Variants in RPRD1A observed in about 807,000 individuals in gnomAD.
RPRD1A encodes regulation of nuclear pre-mRNA domain-containing protein 1A.
RPRD1A carries 9 observed loss-of-function variants against 37.8 expected under a neutral mutation model. The ratio of observed to expected loss-of-function variants is 0.24; its 90% confidence interval spans 0.14 to 0.42. The LOEUF is 0.42. Among genes scored for constraint, RPRD1A ranks in the 10% least tolerant of loss-of-function variants. The pLI is 1.00. For missense variants in RPRD1A, 255 were observed against 371.0 expected (o/e 0.69, Z 2.57); for synonymous variants, 138 against 139.7 (o/e 0.99, Z 0.08).
intron 1 of RPRD1A, among the ~76,000 whole-genome samples, chr18:36,056,821 C>T (rs1913807596): frequency 6.6e-6 from 1 of 152,024 alleles, no homozygotes; most frequent in Non-Finnish European, 1.5e-5. Flanking sequence ...GACCAAAAAG[C>T]TCAGATGACA....
chr18:36,012,718 G>A (rs534603165), intron 6 of RPRD1A, among the ~76,000 whole-genome samples: 1 of 152,284 alleles, frequency 6.6e-6, no homozygotes, highest in African/African-American at 2.4e-5. Flanking sequence ...GAAGTTTCAG[G>A]CATTCACTAT....
chr18:36,052,676 G>A (rs1410099531), intron 1 of RPRD1A, among the ~76,000 whole-genome samples: 1 of 152,082 alleles, frequency 6.6e-6, no homozygotes, highest in Non-Finnish European at 1.5e-5. Context: ...TCAGCTCACT[G>A]CAACCTCCAC....
chr18:36,004,838 G>C lies in RPRD1A; in HGVS notation c.790-11538C>G, dbSNP rs551048271. 1.4e-4 allele frequency among the ~76,000 whole-genome samples: 21 copies of C among 152,234 alleles called. No individual in the cohort carries two copies. The East Asian group carries it at 3.7e-3, about 27-fold the overall frequency. On this transcript the variant is annotated intron_variant, in intron 6 of 6. Coordinates refer to ENST00000399022, the MANE Select transcript of RPRD1A (RefSeq NM_018170.5). ...GAATCACTTGAACCTGGGAGGCAGA[G>C]GTTGCAGTGAGCCAAGACCCTGCCA...
intron 1 of RPRD1A, among the ~76,000 whole-genome samples, chr18:36,049,174 G>T (rs1291683702): frequency 6.6e-6 from 1 of 152,174 alleles, no homozygotes; most frequent in African/African-American, 2.4e-5. Context: ...CCAAAGTGCT[G>T]GGATTACAGG....
intron 6 of RPRD1A, among the ~76,000 whole-genome samples, chr18:36,024,665 A>C (rs955051571): frequency 4.6e-5 from 7 of 152,354 alleles, no homozygotes; most frequent in African/African-American, 1.7e-4. Context: ...AACAAATGAC[A>C]CATCAGTATC....
intron 4 of RPRD1A, 42 bp from the exon 5 acceptor site, chr18:36,027,352 A>C (rs745574833): frequency 6.9e-6 from 11 of 1,604,854 alleles, no homozygotes; most frequent in African/African-American, 6.7e-5. Flanking sequence ...AATTGAGCTT[A>C]AACAAGTGCA....
chr18:36,025,082 T>C (rs1395598493), intron 6 of RPRD1A: 1 of 152,242 alleles, frequency 6.6e-6, no homozygotes, highest in Non-Finnish European at 1.5e-5. Flanking sequence ...GCAGAAAAAG[T>C]TGGAAAAAAT....
Position 36,047,889 on chromosome 18 carries a change from C to A in RPRD1A, c.152-14052G>T, listed in dbSNP as rs2144363266. On this transcript the variant is annotated intron_variant, in intron 1 of 6. Transcript: ENST00000399022. ...AGATGGTTTCCACCAGAGATTTTTA[C>A]CAAATGTTTAAAGAATCTTTAAAAT... is the stretch of plus-strand genomic sequence containing the variant. Among the ~76,000 whole-genome samples the A allele has an allele frequency of 2.6e-5, 4 of 152,162 alleles. No individual in the cohort carries two copies. The South Asian group carries it at 8.3e-4, about 32-fold the overall frequency.
In RPRD1A at chr18:36,030,802, T is replaced by G; in HGVS notation, c.486+6A>C. ...TGTAACTCTTTTAACAGGGTAAAAT[T>G]TCTACCTGTGGTGGTTCACTTGGAG... On this transcript the variant is annotated splice_donor_region_variant and intron_variant, in intron 4 of 6. Transcript: ENST00000399022. 3.2e-6 allele frequency: 5 copies of G among 1,577,804 alleles called. No homozygotes were observed. Among genetic ancestry groups the G allele is most frequent in the Non-Finnish European group, 4.3e-6 (5 of 1,152,946 alleles).
intron 1 of RPRD1A, among the ~76,000 whole-genome samples, chr18:36,047,817 A>G (rs1448823640): frequency 6.6e-6 from 1 of 152,218 alleles, no homozygotes; most frequent in African/African-American, 2.4e-5. Flanking sequence ...AATTAAGGAA[A>G]TTGAGTTTGC....
At chr18:35,995,015 G>A (rs1336321356) in intron 6 of RPRD1A, among the ~76,000 whole-genome samples, 1 of 152,084 alleles carries the variant, frequency 6.6e-6, no homozygotes, top group Non-Finnish European at 1.5e-5. Context: ...AGTACACACA[G>A]GAAGGAAGAG....
At chr18:36,012,467 C>T (rs930951955) in intron 6 of RPRD1A, among the ~76,000 whole-genome samples, 1 of 152,174 alleles carries the variant, frequency 6.6e-6, no homozygotes, top group East Asian at 1.9e-4. Context: ...CAAATACTTA[C>T]CAGTGTATTA....
chr18:36,027,765 C>T (rs1410289217), intron 4 of RPRD1A: 1 of 153,726 alleles, frequency 6.5e-6, no homozygotes, highest in Non-Finnish European at 1.4e-5. Context: ...AAATCATCTA[C>T]TACAACACAG....
chr18:35,999,032 T>C (rs572983727), intron 6 of RPRD1A, among the ~76,000 whole-genome samples: 1 of 152,356 alleles, frequency 6.6e-6, no homozygotes, highest in South Asian at 2.1e-4. Flanking sequence ...GACCAAACAC[T>C]GCAATAGAAT....
chr18:35,998,796 T>C (rs1344357987), intron 6 of RPRD1A, among the ~76,000 whole-genome samples: 1 of 152,202 alleles, frequency 6.6e-6, no homozygotes, highest in Non-Finnish European at 1.5e-5. Flanking sequence ...CGCTGTTTGG[T>C]TGTAATCCAT....
At chr18:36,009,500 T>C (rs1910035897) in intron 6 of RPRD1A, among the ~76,000 whole-genome samples, 1 of 152,212 alleles carries the variant, frequency 6.6e-6, no homozygotes, top group South Asian at 2.1e-4. Flanking sequence ...CAACAGTACA[T>C]GCTAGGATGT....
intron 4 of RPRD1A, among the ~76,000 whole-genome samples, chr18:36,030,326 C>T (rs1235169928): frequency 7.7e-6 from 1 of 129,734 alleles, no homozygotes; most frequent in East Asian, 2.3e-4. Flanking sequence ...CTCTATTAAA[C>T]ACAAAAATTA....
At chr18:36,059,297 CT>C (rs2088859445) in intron 1 of RPRD1A, among the ~76,000 whole-genome samples, 1 of 152,124 alleles carries the variant, frequency 6.6e-6, no homozygotes, top group Non-Finnish European at 1.5e-5. Context: ...ACCACCACGT[CT>C]GGCTAATTTT....
intron 1 of RPRD1A, among the ~76,000 whole-genome samples, chr18:36,042,348 CA>C (rs1192555670): frequency 1.3e-5 from 2 of 152,190 alleles, no homozygotes; most frequent in Non-Finnish European, 2.9e-5. Flanking sequence ...CAATGACTGT[CA>C]AATCTACCAG....
Sources: allele counts gnomAD v4.1 joint callset (sites outside exome capture counted in the v4.1 genomes callset), GRCh38; gene constraint gnomAD v4.1.1; transcripts MANE v1.5; gene names NCBI Gene and HGNC (gene_info 2026-07-23, HGNC 2026-07-21).